The following GSE1 variants were observed in gnomAD, a reference collection of about 807,000 sequenced individuals.
GSE1 encodes the protein genetic suppressor element 1.
In GSE1, 32 loss-of-function variants were observed where a neutral mutation model predicts 112.6. The ratio of observed to expected loss-of-function variants is 0.28; its 90% CI spans 0.21 to 0.38. GSE1 has a LOEUF of 0.38. Among genes scored for constraint, GSE1 ranks in the 10% least tolerant of loss-of-function variants. The pLI, the probability that GSE1 is intolerant of heterozygous loss-of-function variation, is 1.00. For synonymous variants in GSE1, 1,115 were observed against 735.6 expected (o/e 1.52, Z -8.35); for missense variants, 2,348 against 1,699.2 (o/e 1.38, Z -6.71).
At chr16:85,320,717 G>A (rs148507798) in intron 1 of GSE1, among the ~76,000 whole-genome samples, 298 of 152,216 alleles carry the variant, frequency 2.0e-3, no homozygotes, top group South Asian at 6.0e-3. Flanking sequence ...ATGACTTCTC[G>A]GGGAACACTG....
chr16:85,478,839 T>TTTTCTTTCTTTCTTTC (rs59687856), intron 2 of GSE1, among the ~76,000 whole-genome samples: 1 of 102,652 alleles, frequency 9.7e-6, no homozygotes, highest in Non-Finnish European at 2.0e-5. Context: ...CGCTCATTTA[T>TTTTCTTTCTTTCTTTC]TTTCTTTCTT....
At chr16:85,438,704 C>T (rs780487804) in intron 2 of GSE1, among the ~76,000 whole-genome samples, 10 of 152,204 alleles carry the variant, frequency 6.6e-5, no homozygotes, top group Admixed American at 1.3e-4. Context: ...ACTGCTTGAG[C>T]GAGTGATCGC....
intron 2 of GSE1, among the ~76,000 whole-genome samples, chr16:85,469,450 G>A (rs1218221238): frequency 2.0e-5 from 3 of 152,190 alleles, no homozygotes; most frequent in Admixed American, 2.0e-4. Flanking sequence ...AGCTTCTTGT[G>A]GGAGCGGGGT....
chr16:85,495,936 C>A lies in GSE1; in HGVS notation c.2465-137978C>A, dbSNP rs149968992. On this transcript the variant is annotated intron_variant, in intron 2 of 2. Transcript: ENST00000637419. Reference sequence around the variant, plus strand: ...AGAAAGGATGCCAGAGCCTGGAGACCTGGGGTGATTCATCGAGCATCCCTC... The same window carrying A: ...AGAAAGGATGCCAGAGCCTGGAGACATGGGGTGATTCATCGAGCATCCCTC... 3.9e-5 allele frequency among the ~76,000 whole-genome samples: 6 copies of A among 152,288 alleles called. No homozygotes were observed. The East Asian group carries it at 1.2e-3, about 29-fold the overall frequency.
chr16:85,170,924 C>T (rs928400894), exon 1 of GSE1: 27 of 985,432 alleles, frequency 2.7e-5, no homozygotes, highest in African/African-American at 3.5e-5. Context: ...AGGAGGCTCC[C>T]GAGGGAAGAG....
At chr16:85,435,547 C>T (rs1165624640) in intron 2 of GSE1, among the ~76,000 whole-genome samples, 1 of 152,112 alleles carries the variant, frequency 6.6e-6, no homozygotes, top group Non-Finnish European at 1.5e-5. Context: ...GGGGGAGGGG[C>T]TGGGGGCTGA....
At chr16:85,396,978 G>C (rs76399399) in intron 2 of GSE1, among the ~76,000 whole-genome samples, 1 of 152,224 alleles carries the variant, frequency 6.6e-6, no homozygotes, top group Non-Finnish European at 1.5e-5. Flanking sequence ...GGTCCAGAGA[G>C]AGAGAGCAAA....
At chr16:85,262,976 G>A (rs1003475951) in intron 1 of GSE1, among the ~76,000 whole-genome samples, 1 of 152,214 alleles carries the variant, frequency 6.6e-6, no homozygotes, top group East Asian at 1.9e-4. Flanking sequence ...CCCTTAGGGA[G>A]CTGAGCTTCT....
rs571944574 is a variant in GSE1, at chr16:85,631,425, G to A, written c.8-2489G>A. Among the ~76,000 whole-genome samples, 6 of 152,342 alleles carry A rather than the reference G, an allele frequency of 3.9e-5. No individual in the cohort carries two copies. The East Asian group carries it at 1.2e-3, about 29-fold the overall frequency. ...GTGGCCCTCTGCCGAAGGTGTGTGG[G>A]CTCGTGGGCCCAGGGCACGGGGCTT... On this transcript the variant is annotated intron_variant, in intron 1 of 15. Transcript: ENST00000253458.
At chr16:85,661,087 G>T in intron 8 of GSE1, 59 bp from the exon 9 acceptor site, 1 of 1,484,880 alleles carries the variant, frequency 6.7e-7, no homozygotes, top group Admixed American at 2.2e-5. Flanking sequence ...AGCCAGGGAA[G>T]CCTGTGGATG....
chr16:85,642,803 G>A (rs1598525686), intron 2 of GSE1, among the ~76,000 whole-genome samples: 1 of 152,206 alleles, frequency 6.6e-6, no homozygotes, highest in Non-Finnish European at 1.5e-5. Context: ...CCTGAGCCGA[G>A]CTCGGCTGGG....
At chr16:85,599,074 C>T (rs1184799438) in intron 1 of GSE1, among the ~76,000 whole-genome samples, 1 of 152,240 alleles carries the variant, frequency 6.6e-6, no homozygotes, top group Non-Finnish European at 1.5e-5. Context: ...CTCACATCTT[C>T]GTGCGCCGAT....
chr16:85,379,637 C>T (rs929964967), intron 2 of GSE1, among the ~76,000 whole-genome samples: 1 of 152,224 alleles, frequency 6.6e-6, no homozygotes, highest in African/African-American at 2.4e-5. Flanking sequence ...TTCCTGTGGC[C>T]CCTCCCTCCA....
rs930903800 is a variant in GSE1, at chr16:85,378,119, G to A, written c.2464+20476G>A. Among the ~76,000 whole-genome samples the A allele has an allele frequency of 4.6e-5, 7 of 152,152 alleles. No homozygotes were observed. The East Asian group carries it at 5.8e-4, about 13-fold the overall frequency. ...CCGCCACCACCCGGTGCCAGGGCTC[G>A]GGGCAGGGCCCTGGGCCAGTGGGGG... On this transcript the variant is annotated intron_variant, in intron 2 of 2. Transcript: ENST00000637419.
At position 85,358,769 on chromosome 16, in the gene GSE1, G is replaced by T. The variant is rs138603576; in HGVS notation, c.2464+1126G>T. 6.6e-3 allele frequency among the ~76,000 whole-genome samples: 1,002 copies of T among 152,302 alleles called. 16 individuals carry two copies. The highest frequency in any genetic ancestry group is 0.023 in the African/African-American group (946 of 41,570). ...CCAGACACTGGCGGTTGAGGTCAGGGTGGTCAGGCCACAAAACAGGCCAGG... is the reference window on the plus strand; with the variant it reads ...CCAGACACTGGCGGTTGAGGTCAGGTTGGTCAGGCCACAAAACAGGCCAGG... On this transcript the variant is annotated intron_variant, in intron 2 of 2. Transcript: ENST00000637419.
intron 1 of GSE1, among the ~76,000 whole-genome samples, chr16:85,348,671 C>G (rs1236671049): frequency 6.6e-6 from 1 of 152,218 alleles, no homozygotes; most frequent in Non-Finnish European, 1.5e-5. Context: ...GTTTTCCCAT[C>G]TATAAAATGG....
intron 2 of GSE1, among the ~76,000 whole-genome samples, chr16:85,452,749 T>A (rs1425074034): frequency 6.6e-6 from 1 of 152,186 alleles, no homozygotes; most frequent in Non-Finnish European, 1.5e-5. Flanking sequence ...AGACCCCTGG[T>A]GGGCGGTGCA....
chr16:85,230,590 G>A (rs761348619), intron 1 of GSE1, among the ~76,000 whole-genome samples: 1 of 152,144 alleles, frequency 6.6e-6, no homozygotes, highest in Non-Finnish European at 1.5e-5. Context: ...GGCTCTCCTC[G>A]CATGCTGTCG....
chr16:85,648,509 G>A (rs1023695112), intron 2 of GSE1, 43 bp from the exon 3 acceptor site: 2 of 1,073,216 alleles, frequency 1.9e-6, no homozygotes, highest in Non-Finnish European at 2.7e-6. Flanking sequence ...GCACGTGGCT[G>A]TCACTGCGGC....
Sources: gnomAD v4.1 joint callset for allele counts (sites outside exome capture counted in the v4.1 genomes callset) on GRCh38, gnomAD v4.1.1 for gene constraint, MANE v1.5 for transcripts, NCBI Gene and HGNC (gene_info 2026-07-23, HGNC 2026-07-21) for gene names.